SYNE1: variants seen among roughly 807,000 people sequenced by gnomAD.
The protein encoded by SYNE1 is spectrin repeat containing nuclear envelope protein 1.
A neutral mutation model predicts 1,111.0 loss-of-function variants in SYNE1; 616 were observed. The observed-to-expected ratio is 0.55, with a 90% CI of 0.52 to 0.59. The LOEUF is 0.59. SYNE1 is among the 20% of genes least tolerant of loss of function. The pLI is 0.00. For missense variants in SYNE1, 10,006 were observed against 10,417.0 expected (o/e 0.96, Z 1.72); for synonymous variants, 3,855 against 3,825.8 (o/e 1.01, Z -0.28).
chr6:152,484,351 T>G lies in SYNE1; in HGVS notation c.1185+484A>C, dbSNP rs908090578. ...GAATATGAAAGATACTGAGCAATTT[T>G]CCTTCAGATTCATGATCAGATAAAA... On this transcript the variant is annotated intron_variant, in intron 13 of 145. Coordinates refer to ENST00000367255, the MANE Select transcript of SYNE1 (RefSeq NM_182961.4). Among the ~76,000 whole-genome samples the G allele has an allele frequency of 4.6e-5, 7 of 152,342 alleles. No homozygotes were observed. In the South Asian group the frequency reaches 6.2e-4, roughly 14 times the overall value.
At chr6:152,588,958 C>CTT (rs542555414) in intron 3 of SYNE1, among the ~76,000 whole-genome samples, 1 of 149,526 alleles carries the variant, frequency 6.7e-6, no homozygotes, top group Non-Finnish European at 1.5e-5. Context: ...TTCTTTTTCT[C>CTT]TTTTTTTTTT....
chr6:152,399,583 A>G, intron 48 of SYNE1, 33 bp downstream of exon 48: 3 of 1,612,202 alleles, frequency 1.9e-6, no homozygotes, highest in Non-Finnish European at 2.5e-6. Flanking sequence ...TCTCGGAAAC[A>G]AACTACTCAT....
chr6:152,236,247 A>G lies in SYNE1; in HGVS notation c.20256T>C (p.Asp6752=). The G allele has an allele frequency of 6.2e-7, 1 of 1,614,146 alleles. No homozygotes were observed. The highest frequency in any genetic ancestry group is 8.5e-7 in the Non-Finnish European group (1 of 1,180,004). Residue 6752 remains aspartate, a synonymous_variant, in exon 110 of 146, where the codon GAT becomes GAC. Transcript: ENST00000367255. ...YQPKLYQVLD[D]GKRLLISISC... is the part of the protein sequence containing the mutation. ...TGATGGATATCAGAAGTCGTTTCCC[A>G]TCATCTAATACTTGATATAATTTGG...
intron 26 of SYNE1, 91 bp downstream of exon 26, chr6:152,450,956 T>C: frequency 6.2e-7 from 1 of 1,601,834 alleles, no homozygotes; most frequent in Non-Finnish European, 8.5e-7. Flanking sequence ...TAAGCTATTA[T>C]TTTTCAGACT....
At chr6:152,586,537 T>C (rs1322514) in intron 3 of SYNE1, among the ~76,000 whole-genome samples, 3,297 of 152,190 alleles carry the variant, frequency 0.022, 125 homozygotes, top group African/African-American at 0.075. Context: ...ATACCACTTC[T>C]AATTATTTTT....
intron 98 of SYNE1, among the ~76,000 whole-genome samples, chr6:152,275,916 T>C (rs2093590538): frequency 6.6e-6 from 1 of 150,618 alleles, no homozygotes; most frequent in Non-Finnish European, 1.5e-5. Flanking sequence ...CACACACATA[T>C]ATGATAAGAC....
intron 53 of SYNE1, among the ~76,000 whole-genome samples, chr6:152,388,543 C>T (rs969298588): frequency 3.3e-5 from 5 of 152,182 alleles, no homozygotes; most frequent in Non-Finnish European, 7.3e-5. Context: ...AAGCAATCTG[C>T]CTAACTTGGC....
intron 3 of SYNE1, among the ~76,000 whole-genome samples, chr6:152,611,871 A>G (rs2099632267): frequency 1.3e-5 from 2 of 152,142 alleles, no homozygotes; most frequent in African/African-American, 4.8e-5. Flanking sequence ...CTACGTGGAA[A>G]CTGAACAACC....
chr6:152,163,236 G>A (rs943823939), intron 131 of SYNE1, among the ~76,000 whole-genome samples: 7 of 152,166 alleles, frequency 4.6e-5, no homozygotes, highest in Non-Finnish European at 7.4e-5. Flanking sequence ...AGTGGCTCAC[G>A]CCTGTAATCC....
rs747022132 is a variant in SYNE1 at position 152,404,116 on chromosome 6, T to TATATATAC, written c.6825+96_6825+97insGTATATAT. 0.013 allele frequency: 8,034 copies of TATATATAC among 612,264 alleles called. 33 individuals carry two copies. Among genetic ancestry groups the TATATATAC allele is most frequent in the Middle Eastern group, 0.015 (36 of 2,462 alleles). 37.9% of individuals were successfully genotyped at this position (612,264 alleles called of 1,614,324 possible). A position where few individuals can be genotyped will look rare whatever the true frequency, so the allele number is the denominator to read the frequency against. Reference sequence around the variant, plus strand: ...TATAGATATATGAGATATATATATATACACACACACACACACACACAGAGA... The same window carrying TATATATAC: ...TATAGATATATGAGATATATATATATATATATACACACACACACACACACACACAGAGA... On this transcript the variant is annotated intron_variant, in intron 46 of 145. Coordinates refer to ENST00000367255, the MANE Select transcript of SYNE1 (RefSeq NM_182961.4).
At chr6:152,421,423 A>G (rs980025341) in intron 39 of SYNE1, among the ~76,000 whole-genome samples, 2 of 152,170 alleles carry the variant, frequency 1.3e-5, no homozygotes, top group Non-Finnish European at 2.9e-5. Context: ...GGCCAAGTAT[A>G]ATAAGACTAA....
At chr6:152,528,324 G>T (rs934553477) in intron 4 of SYNE1, among the ~76,000 whole-genome samples, 1 of 151,802 alleles carries the variant, frequency 6.6e-6, no homozygotes, top group Non-Finnish European at 1.5e-5. Flanking sequence ...ATGAATGAAT[G>T]AATGTAAATA....
chr6:152,434,529 A>C (rs1005394262), intron 33 of SYNE1: 1 of 152,452 alleles, frequency 6.6e-6, no homozygotes, highest in Non-Finnish European at 1.5e-5. Context: ...CATTTTCATA[A>C]ATGTCTTATG....
At chr6:152,504,117 C>T (rs1304086578) in intron 9 of SYNE1, among the ~76,000 whole-genome samples, 15 of 152,194 alleles carry the variant, frequency 9.9e-5, no homozygotes, top group East Asian at 3.9e-4. Flanking sequence ...CTCCTTTCAT[C>T]CCACTCTAGG....
intron 100 of SYNE1, among the ~76,000 whole-genome samples, chr6:152,263,767 G>A (rs1472657494): frequency 6.6e-6 from 1 of 151,698 alleles, no homozygotes; most frequent in Non-Finnish European, 1.5e-5. Context: ...TGTGACACTG[G>A]GGTAATTTGT....
intron 8 of SYNE1, among the ~76,000 whole-genome samples, chr6:152,506,291 C>A (rs2154332836): frequency 6.6e-6 from 1 of 152,100 alleles, no homozygotes; most frequent in East Asian, 1.9e-4. Flanking sequence ...GCATCGGCTG[C>A]ACCCCTTGAA....
At chr6:152,630,941 C>T (rs1295409274) in intron 2 of SYNE1, among the ~76,000 whole-genome samples, 1 of 152,204 alleles carries the variant, frequency 6.6e-6, no homozygotes, top group Non-Finnish European at 1.5e-5. Context: ...AATTTCCCTG[C>T]ATGTGCCCAG....
At chr6:152,234,424 A>G (rs756024919) in intron 111 of SYNE1, among the ~76,000 whole-genome samples, 8 of 152,064 alleles carry the variant, frequency 5.3e-5, no homozygotes, top group Non-Finnish European at 1.0e-4. Context: ...CCTCCTGAGT[A>G]GCTGGGATTA....
At chr6:152,360,509 C>A (rs1392489546) in intron 64 of SYNE1, among the ~76,000 whole-genome samples, 1 of 152,152 alleles carries the variant, frequency 6.6e-6, no homozygotes, top group Non-Finnish European at 1.5e-5. Flanking sequence ...GCTGTATGAG[C>A]CTTTTCAAAA....
Sources: allele counts gnomAD v4.1 joint callset (sites outside exome capture counted in the v4.1 genomes callset), GRCh38; gene constraint gnomAD v4.1.1; transcripts MANE v1.5; gene names NCBI Gene and HGNC (gene_info 2026-07-23, HGNC 2026-07-21).